The following ASCC2 variants were observed in gnomAD, a reference collection of about 807,000 sequenced individuals.
The protein encoded by ASCC2 is ASC-1 complex subunit P100.
In ASCC2, 42 loss-of-function variants were observed where a neutral mutation model predicts 93.5. The ratio of observed to expected loss-of-function variants is 0.45; its 90% confidence interval spans 0.35 to 0.58. ASCC2 has a LOEUF of 0.58. Ranked by LOEUF, ASCC2 falls within the 20% of genes least tolerant of loss-of-function variation. The pLI, the probability that ASCC2 is intolerant of heterozygous loss-of-function variation, is 0.00. For missense variants in ASCC2, 859 were observed against 977.6 expected (o/e 0.88, Z 1.62); for synonymous variants, 364 against 384.2 (o/e 0.95, Z 0.62).
chr22:29,803,042 T>A (rs1308575106), intron 13 of ASCC2, among the ~76,000 whole-genome samples: 1 of 151,468 alleles, frequency 6.6e-6, no homozygotes, highest in Admixed American at 6.6e-5. Context: ...AGGTCAGGAG[T>A]TTGAGACCAG....
intron 13 of ASCC2, among the ~76,000 whole-genome samples, chr22:29,802,422 G>A (rs1291488989): frequency 1.3e-5 from 2 of 151,922 alleles, no homozygotes; most frequent in East Asian, 1.9e-4. Context: ...TATGATTATT[G>A]CATGCCTGTA....
chr22:29,804,958 T>A, intron 12 of ASCC2, 128 bp from the exon 13 acceptor site: 3 of 969,990 alleles, frequency 3.1e-6, no homozygotes, highest in Non-Finnish European at 4.7e-6. Context: ...CTAAGTGGTA[T>A]AGCCCACGGG....
intron 15 of ASCC2, among the ~76,000 whole-genome samples, chr22:29,794,155 G>T (rs944021316): frequency 4.6e-5 from 7 of 150,828 alleles, no homozygotes; most frequent in African/African-American, 1.7e-4. Flanking sequence ...AAAGTGCTGG[G>T]ATTACAGGTG....
At chr22:29,790,347 G>T in intron 19 of ASCC2, 122 bp downstream of exon 19, 1 of 935,536 alleles carries the variant, frequency 1.1e-6, no homozygotes, top group Non-Finnish European at 1.6e-6. Context: ...TCACTGGGTT[G>T]TCGTGAGAAC....
rs750799199 is a variant in ASCC2, at chr22:29,789,009, G to A, written c.*4C>T. The A allele has an allele frequency of 3.5e-5, 57 of 1,614,060 alleles. No individual in the cohort carries two copies. The East Asian group carries it at 1.2e-3, about 35-fold the overall frequency. On this transcript the variant is annotated 3_prime_UTR_variant, in exon 20 of 20. Transcript: ENST00000307790. Reference sequence around the variant, plus strand: ...CTGCCTCCCCACTGGCCCTGCACCAGGTCTCAGGATGGGATCATGCCTTTG... The same window carrying A: ...CTGCCTCCCCACTGGCCCTGCACCAAGTCTCAGGATGGGATCATGCCTTTG...
rs540095194 is a variant in ASCC2, at chr22:29,827,933, G to A, written c.82-2153C>T. Among the ~76,000 whole-genome samples the A allele has an allele frequency of 5.1e-4, 47 of 91,358 alleles. 8 individuals carry two copies. The highest frequency in any genetic ancestry group is 2.3e-3 in the African/African-American group (44 of 19,244). The allele number at this position is 91,358 out of a possible 152,430, so 59.9% of individuals were successfully genotyped here. A position where few individuals can be genotyped will look rare whatever the true frequency, so the allele number is the denominator to read the frequency against. On this transcript the variant is annotated intron_variant, in intron 2 of 19. Transcript: ENST00000307790. ...ACACACACACACACACACACACCAG[G>A]CTACTCATTCTTCTGACACACACAC...
At chr22:29,808,553 G>C (rs1267899071) in intron 8 of ASCC2, among the ~76,000 whole-genome samples, 2 of 152,160 alleles carry the variant, frequency 1.3e-5, no homozygotes, top group Non-Finnish European at 1.5e-5. Flanking sequence ...AGGCACAGTG[G>C]CTCATGCCTG....
At chr22:29,837,328 G>A (rs1333225750) in intron 1 of ASCC2, among the ~76,000 whole-genome samples, 1 of 152,020 alleles carries the variant, frequency 6.6e-6, no homozygotes, top group African/African-American at 2.4e-5. Context: ...AGCTACTCAG[G>A]AGGCTGAGGC....
At chr22:29,815,924 A>C in intron 6 of ASCC2, 82 bp downstream of exon 6, 6 of 1,204,918 alleles carry the variant, frequency 5.0e-6, no homozygotes, top group Non-Finnish European at 7.2e-6. Context: ...CTCCTCCAGG[A>C]AAGTCAGGCA....
Position 29,814,629 on chromosome 22 carries a change from A to C in ASCC2, c.720+28T>G, listed in dbSNP as rs774367178. On this transcript the variant is annotated intron_variant, in intron 7 of 19. Transcript: ENST00000307790. Reference sequence around the variant, plus strand: ...CCCTGGTTGGAGGGACCCGGCAGGAAAGAGACTGGGCCGAAGGGCAACCTT... The same window carrying C: ...CCCTGGTTGGAGGGACCCGGCAGGACAGAGACTGGGCCGAAGGGCAACCTT... 18 of 1,560,214 alleles carry C rather than the reference A, an allele frequency of 1.2e-5. No homozygotes were observed. The Admixed American group carries it at 3.1e-4, about 27-fold the overall frequency.
Position 29,796,346 on chromosome 22 carries a change from T to G in ASCC2, c.1689-2670A>C, listed in dbSNP as rs371709009. 3.3e-5 allele frequency among the ~76,000 whole-genome samples: 5 copies of G among 152,146 alleles called. No individual in the cohort carries two copies. In the South Asian group the frequency reaches 1.0e-3, roughly 32 times the overall value. ...TGCCGGGCAGGGTATGAGGCTGAGTTGGGGAGAGATTCAGAAATGAAGAAG... is the reference window on the plus strand; with the variant it reads ...TGCCGGGCAGGGTATGAGGCTGAGTGGGGGAGAGATTCAGAAATGAAGAAG... On this transcript the variant is annotated intron_variant, in intron 15 of 19. Transcript: ENST00000307790.
At chr22:29,790,748 C>G (rs992891725) in intron 18 of ASCC2, among the ~76,000 whole-genome samples, 200 bp from the exon 19 acceptor site, 1 of 152,226 alleles carries the variant, frequency 6.6e-6, no homozygotes, top group African/African-American at 2.4e-5. Context: ...CCTGCCCCAC[C>G]TCTTCCCTGA....
chr22:29,816,036 G>C lies in ASCC2; in HGVS notation c.579C>G (p.Asp193Glu), dbSNP rs1463888408. ...IFTQQPSYYS[D>E]LDETLPTILQ... ...GGATGGTAGGCAGGGTTTCATCCAG[G>C]TCACTGTAGTAACTTGGCTGCTGTG... Residue 193 changes from aspartate to glutamate, a missense_variant, in exon 6 of 20, where the codon GAC becomes GAG. By Grantham distance (45) the Asp-to-Glu change is conservative. Coordinates refer to ENST00000307790, the MANE Select transcript of ASCC2 (RefSeq NM_032204.5). 8 of 1,599,212 alleles carry C rather than the reference G, an allele frequency of 5.0e-6. No homozygotes were observed. In the Admixed American group the frequency reaches 1.4e-4, roughly 28 times the overall value.
rs759331140 is a variant in ASCC2 at position 29,792,460 on chromosome 22, T to C, written c.1995A>G (p.Glu665=). ...EGQEEDDDDE[E]DDADEEAPKP... ...TGGGAGCCTCCTCGTCAGCATCGTC[T>C]TCCTCATCGTCGTCATCCTCCTCCT... The change falls in exon 18 of 20, where the codon GAA becomes GAG. Residue 665 remains glutamate, a synonymous_variant. Coordinates refer to ENST00000307790, the MANE Select transcript of ASCC2 (RefSeq NM_032204.5). 1.2e-6 allele frequency: 2 copies of C among 1,614,010 alleles called. No homozygotes were observed. Among genetic ancestry groups the C allele is most frequent in the South Asian group, 1.1e-5 (1 of 91,080 alleles).
chr22:29,820,750 C>T (rs934484032), intron 5 of ASCC2, among the ~76,000 whole-genome samples: 2 of 151,634 alleles, frequency 1.3e-5, no homozygotes, highest in African/African-American at 2.4e-5. Flanking sequence ...GCCTGATCAA[C>T]GTGGAGAAAC....
chr22:29,824,506 T>C (rs1325542692), intron 4 of ASCC2, among the ~76,000 whole-genome samples: 1 of 151,778 alleles, frequency 6.6e-6, no homozygotes, highest in Non-Finnish European at 1.5e-5. Flanking sequence ...TCTCAGCTAT[T>C]TGGGAGGCTG....
At chr22:29,801,260 G>T in intron 14 of ASCC2, 150 bp from the exon 15 acceptor site, 1 of 1,090,976 alleles carries the variant, frequency 9.2e-7, no homozygotes, top group Non-Finnish European at 1.3e-6. Flanking sequence ...CTTGAAGAGG[G>T]AGATAAGCTG....
rs1474295177 is a variant in ASCC2, at chr22:29,814,658, A to C, written c.719T>G (p.Leu240Arg). 1 of 1,595,608 alleles carries C rather than the reference A, an allele frequency of 6.3e-7. No homozygotes were observed. Among genetic ancestry groups the C allele is most frequent in the Non-Finnish European group, 8.5e-7 (1 of 1,172,840 alleles). ...GRLTPSDMPL[L>R]ELKDIVLYLC... is the part of the protein sequence containing the mutation. ...GACTGGGCCGAAGGGCAACCTTACC[A>C]GGAGAGGCATGTCACTGGGGGTCAA... The change falls in exon 7 of 20, where the codon CTG becomes CGG. Residue 240 changes from leucine to arginine, a missense_variant and splice_region_variant. Coordinates refer to ENST00000307790, the MANE Select transcript of ASCC2 (RefSeq NM_032204.5).
intron 1 of ASCC2, chr22:29,834,326 G>A (rs1382956745): frequency 8.5e-6 from 3 of 354,712 alleles, no homozygotes; most frequent in Non-Finnish European, 1.7e-5. Context: ...GACTGGCCAG[G>A]GAAGAAGGGT....
Sources: gnomAD v4.1 joint callset for allele counts (sites outside exome capture counted in the v4.1 genomes callset) on GRCh38, gnomAD v4.1.1 for gene constraint, MANE v1.5 for transcripts, NCBI Gene and HGNC (gene_info 2026-07-23, HGNC 2026-07-21) for gene names.